Variants in SDK1 observed in about 807,000 individuals in gnomAD.
SDK1 encodes protein sidekick-1.
SDK1 carries 157 observed loss-of-function variants against 245.5 expected under a neutral mutation model. That is an observed-to-expected ratio of 0.64 (90% CI 0.56 to 0.73). The LOEUF (loss-of-function observed/expected upper bound fraction) is 0.73, where lower values mean the gene tolerates loss of function less well. Ranked by LOEUF, SDK1 falls within the 30% of genes least tolerant of loss-of-function variation. The pLI is 0.00. For missense variants in SDK1, 3,583 were observed against 3,002.3 expected, an observed-to-expected ratio of 1.19 and a Z score of -4.52; for synonymous variants, 1,647 against 1,278.5, an observed-to-expected ratio of 1.29 and a Z score of -6.15.
intron 1 of SDK1, among the ~76,000 whole-genome samples, chr7:3,484,175 G>T (rs1781605060): frequency 6.6e-6 from 1 of 152,152 alleles, no homozygotes; most frequent in Non-Finnish European, 1.5e-5. Flanking sequence ...CAGTCCACAG[G>T]TGGCCCTGCC....
Position 4,168,701 on chromosome 7 carries a change from C to G in SDK1, c.4801-5521C>G, listed in dbSNP as rs143969797. ...CTCTGCAGTCTTCCTTCTGAGGTAC[C>G]AGTTCCTCGAGCTGCTGCAGGTCTA... is the stretch of plus-strand genomic sequence containing the variant. On this transcript the variant is annotated intron_variant, in intron 32 of 44. Transcript: ENST00000404826. Among the ~76,000 whole-genome samples, 1,072 of 152,306 alleles carry G rather than the reference C, an allele frequency of 7.0e-3. 39 individuals are homozygous for G. Among genetic ancestry groups the G allele is most frequent in the Non-Finnish European group, 2.1e-3 (140 of 68,034 alleles).
intron 4 of SDK1, among the ~76,000 whole-genome samples, chr7:3,736,615 C>G (rs1779324984): frequency 6.6e-6 from 1 of 152,154 alleles, no homozygotes; most frequent in African/African-American, 2.4e-5. Flanking sequence ...TTTAATTCCT[C>G]TCTTCCCCAC....
intron 1 of SDK1, among the ~76,000 whole-genome samples, chr7:3,378,779 C>G (rs1554502): frequency 6.8e-6 from 1 of 147,992 alleles, no homozygotes; most frequent in African/African-American, 2.6e-5. Flanking sequence ...GAGCATATAG[C>G]GGGGCAGGGT....
At chr7:3,762,981 A>G (rs1297451662) in intron 4 of SDK1, among the ~76,000 whole-genome samples, 2 of 152,084 alleles carry the variant, frequency 1.3e-5, no homozygotes, top group African/African-American at 2.4e-5. Context: ...CAGAGACTGG[A>G]TCTTTTGCTT....
intron 1 of SDK1, among the ~76,000 whole-genome samples, chr7:3,557,505 TGTG>T (rs1168740885): frequency 2.0e-5 from 3 of 152,192 alleles, no homozygotes; most frequent in Non-Finnish European, 2.9e-5. Flanking sequence ...AGTGTCTTGA[TGTG>T]GTGATGGACA....
Position 4,006,905 on chromosome 7 carries a change from G to A in SDK1, c.2132-4061G>A, listed in dbSNP as rs143372036. On this transcript the variant is annotated intron_variant, in intron 14 of 44. Transcript: ENST00000404826. ...CAGGATCAGGCAGGGCCAGGCTGGC[G>A]GGATGGGGCCGAGGGCGGGAAAGCG... is the stretch of plus-strand genomic sequence containing the variant. 6.9e-3 allele frequency among the ~76,000 whole-genome samples: 1,049 copies of A among 152,316 alleles called. 13 individuals are homozygous for A. The highest frequency in any genetic ancestry group is 0.023 in the African/African-American group (963 of 41,566).
intron 1 of SDK1, among the ~76,000 whole-genome samples, chr7:3,453,151 C>G (rs2128592254): frequency 1.3e-5 from 2 of 152,264 alleles, no homozygotes; most frequent in Middle Eastern, 3.4e-3. Context: ...TTTTCCAACT[C>G]TTTCCCTCAC....
At chr7:3,977,328 G>T (rs1159698547) in intron 13 of SDK1, among the ~76,000 whole-genome samples, 123 of 90,020 alleles carry the variant, frequency 1.4e-3, no homozygotes, top group African/African-American at 4.1e-3. Context: ...GCCACGCAGA[G>T]GGTCCTCCAG....
At chr7:3,793,507 A>T (rs1778870340) in intron 4 of SDK1, among the ~76,000 whole-genome samples, 1 of 152,196 alleles carries the variant, frequency 6.6e-6, no homozygotes, top group African/African-American at 2.4e-5. Flanking sequence ...GATAGTCTTC[A>T]GGTTTCTTTC....
intron 38 of SDK1, among the ~76,000 whole-genome samples, chr7:4,212,017 CTG>C (rs1409348375): frequency 4.6e-5 from 7 of 152,224 alleles, no homozygotes; most frequent in African/African-American, 1.4e-4. Flanking sequence ...TCCCACCACA[CTG>C]GGGTGAAATA....
At chr7:3,503,383 A>G (rs1056421211) in intron 1 of SDK1, among the ~76,000 whole-genome samples, 4 of 152,238 alleles carry the variant, frequency 2.6e-5, no homozygotes, top group African/African-American at 9.6e-5. Flanking sequence ...TCCACAAGTT[A>G]AGAAAACAAC....
At chr7:3,678,814 C>A (rs1396967356) in intron 4 of SDK1, among the ~76,000 whole-genome samples, 2 of 152,032 alleles carry the variant, frequency 1.3e-5, no homozygotes, top group Non-Finnish European at 1.5e-5. Flanking sequence ...TTTTAAAAAG[C>A]AATTCAGGGG....
intron 5 of SDK1, among the ~76,000 whole-genome samples, chr7:3,826,535 T>G (rs1779780329): frequency 6.6e-6 from 1 of 152,202 alleles, no homozygotes; most frequent in East Asian, 1.9e-4. Context: ...CTCAGATCTG[T>G]GCTTTCTTCC....
At chr7:3,596,451 T>G (rs897301887) in intron 1 of SDK1, among the ~76,000 whole-genome samples, 1 of 152,164 alleles carries the variant, frequency 6.6e-6, no homozygotes, top group Non-Finnish European at 1.5e-5. Context: ...CTAAGGATTT[T>G]TAATTGAGGT....
chr7:3,805,101 A>G (rs571198583), intron 4 of SDK1, among the ~76,000 whole-genome samples: 1 of 152,378 alleles, frequency 6.6e-6, no homozygotes, highest in African/African-American at 2.4e-5. Context: ...TTCACAAGGT[A>G]CTCATATATC....
intron 1 of SDK1, among the ~76,000 whole-genome samples, chr7:3,562,920 G>C (rs1254005085): frequency 1.9e-5 from 1 of 52,170 alleles, no homozygotes; most frequent in East Asian, 4.9e-4. Flanking sequence ...ACAAGAGATA[G>C]GGGAGGTAAG....
chr7:3,906,801 G>A (rs1778959239), intron 5 of SDK1, among the ~76,000 whole-genome samples: 1 of 151,690 alleles, frequency 6.6e-6, no homozygotes, highest in African/African-American at 2.4e-5. Context: ...CTAAGTTTTT[G>A]TATTTTTTAG....
chr7:4,166,637 C>G (rs1465142001), intron 32 of SDK1, among the ~76,000 whole-genome samples: 1 of 152,228 alleles, frequency 6.6e-6, no homozygotes, highest in African/African-American at 2.4e-5. Flanking sequence ...TTCTACTCTC[C>G]ACAAAGCAGA....
intron 1 of SDK1, among the ~76,000 whole-genome samples, chr7:3,494,835 A>G (rs2128606246): frequency 6.6e-6 from 1 of 152,356 alleles, no homozygotes; most frequent in African/African-American, 2.4e-5. Flanking sequence ...TATTTGTTAA[A>G]AACTTAATGT....
Sources: gnomAD v4.1 joint callset for allele counts (sites outside exome capture counted in the v4.1 genomes callset) on GRCh38, gnomAD v4.1.1 for gene constraint, MANE v1.5 for transcripts, NCBI Gene and HGNC (gene_info 2026-07-23, HGNC 2026-07-21) for gene names.